TCHP: variants seen among roughly 807,000 people sequenced by gnomAD.
TCHP encodes trichoplein keratin filament binding, also known as trichoplein keratin filament-binding protein.
In TCHP, 81 loss-of-function variants were observed where a neutral mutation model predicts 88.7. The ratio of observed to expected loss-of-function variants is 0.91; its 90% CI spans 0.76 to 1.10. TCHP has a LOEUF of 1.10. Ranked by LOEUF, TCHP falls within the 50% of genes least tolerant of loss-of-function variation. The pLI is 0.00. For missense variants in TCHP, 641 were observed against 632.1 expected (o/e 1.01, Z -0.15); for synonymous variants, 232 against 232.5 (o/e 1.00, Z 0.02).
chr12:109,895,518 C>G (rs1030274226), upstream of TCHP, among the ~76,000 whole-genome samples: 1 of 152,022 alleles, frequency 6.6e-6, no homozygotes, highest in African/African-American at 2.4e-5. Flanking sequence ...CTCACCTGAC[C>G]CCATTGTTAT....
Position 109,913,010 on chromosome 12 carries a change from T to C in TCHP, c.1072T>C (p.Trp358Arg). ...GCCCAGGGAGGAGGCCAAGGAGATG[T>C]GGGAAAAGAGAGAGGCAGAGTGGGC... ...MLLREEAKEMWEKREAEWARE... is the reference protein window; with the variant it reads ...MLLREEAKEMREKREAEWARE... Residue 358 changes from tryptophan to arginine, a missense_variant, in exon 10 of 13, where the codon TGG becomes CGG. Trp to Arg is a moderately radical substitution (Grantham distance 101). Coordinates refer to ENST00000405876, the MANE Select transcript of TCHP (RefSeq NM_001143852.2). 2 of 1,613,568 alleles carry C rather than the reference T, an allele frequency of 1.2e-6. No individual in the cohort carries two copies. The highest frequency in any genetic ancestry group is 1.7e-6 in the Non-Finnish European group (2 of 1,179,904).
At position 109,903,895 on chromosome 12, in the gene TCHP, G is replaced by C; in HGVS notation, c.189-42G>C. 6.6e-7 allele frequency: 1 copy of C among 1,515,084 alleles called. No homozygotes were observed. Among genetic ancestry groups the C allele is most frequent in the Non-Finnish European group, 9.0e-7 (1 of 1,109,166 alleles). 93.9% of individuals were successfully genotyped at this position (1,515,084 alleles called of 1,614,324 possible). On this transcript the variant is annotated intron_variant, in intron 2 of 12. Coordinates refer to ENST00000405876, the MANE Select transcript of TCHP (RefSeq NM_001143852.2). This position sits in a 1 kb window ranked among gnomAD's most constrained non-coding sequence, Gnocchi z 4.6. ...CAGCAGAGCAGAGCACGTTCCCTGT[G>C]GCTGTAGCATGATTGATTCAGGCAG... is the stretch of plus-strand genomic sequence containing the variant.
chr12:109,880,855 C>G, the TCHP span: 2 of 152,454 alleles, frequency 1.3e-5, no homozygotes, highest in Non-Finnish European at 2.9e-5. This position sits in a 1 kb window ranked among gnomAD's most constrained non-coding sequence, Gnocchi z 5.1. Context: ...ACCCAGCCAA[C>G]GCTCCCCAGG....
At chr12:109,885,478 G>GTTTTT in the TCHP span, among the ~76,000 whole-genome samples, 23 of 118,164 alleles carry the variant, frequency 1.9e-4, no homozygotes, top group Non-Finnish European at 2.8e-4. Flanking sequence ...AAATCTGATG[G>GTTTTT]TTTTTTTTTT....
chr12:109,911,019 G>A (rs1870450980), intron 8 of TCHP, 44 bp from the exon 9 acceptor site: 1 of 1,468,784 alleles, frequency 6.8e-7, no homozygotes. Context: ...ATTGCAGAAG[G>A]ACTCTGTCCA....
intron 3 of TCHP, 56 bp downstream of exon 3, chr12:109,904,203 T>C (rs755836038): frequency 3.4e-6 from 5 of 1,487,764 alleles, no homozygotes; most frequent in Non-Finnish European, 4.6e-6. Flanking sequence ...CCAGCCTGAG[T>C]GTGTCGCACA....
At chr12:109,897,683 C>A (rs1195316886), upstream of TCHP, among the ~76,000 whole-genome samples, 4 of 152,074 alleles carry the variant, frequency 2.6e-5, no homozygotes, top group South Asian at 4.1e-4. Flanking sequence ...GCCTCAGCCT[C>A]CCGAGCTGGG....
chr12:109,899,216 G>T (rs1054044462), upstream of TCHP, among the ~76,000 whole-genome samples: 7 of 152,128 alleles, frequency 4.6e-5, no homozygotes, highest in African/African-American at 1.7e-4. Flanking sequence ...AAAGAAAAGA[G>T]AACAAACAAG....
the TCHP span, among the ~76,000 whole-genome samples, chr12:109,894,274 C>T: frequency 1.3e-3 from 198 of 150,750 alleles, no homozygotes; most frequent in African/African-American, 4.6e-3. Context: ...CTGGTTAACA[C>T]GGTGAAACCC....
At chr12:109,888,817 G>A in the TCHP span, among the ~76,000 whole-genome samples, 3 of 152,118 alleles carry the variant, frequency 2.0e-5, no homozygotes, top group Non-Finnish European at 2.9e-5. Context: ...CAATCAAAAT[G>A]TATTCTCTCA....
In TCHP at chr12:109,903,253, A is replaced by C; in HGVS notation, c.188+39A>C. 1 of 1,562,728 alleles carries C rather than the reference A, an allele frequency of 6.4e-7. No homozygotes were observed. The highest frequency in any genetic ancestry group is 8.8e-7 in the Non-Finnish European group (1 of 1,141,244). On this transcript the variant is annotated intron_variant, in intron 2 of 12. Coordinates refer to ENST00000405876, the MANE Select transcript of TCHP (RefSeq NM_001143852.2). This position sits in a 1 kb window ranked among gnomAD's most constrained non-coding sequence, Gnocchi z 4.6. ...AACTGCCGATTGGATGGAAGTGGGG[A>C]CCACTTGCTGGTCAGGGGATGAGGC... is the stretch of plus-strand genomic sequence containing the variant.
chr12:109,902,970 C>A, intron 1 of TCHP, 57 bp from the exon 2 acceptor site: 1 of 1,482,342 alleles, frequency 6.7e-7, no homozygotes, highest in Non-Finnish European at 9.1e-7. Context: ...TGAGGCCAAG[C>A]TGGTGAGGGT....
intron 8 of TCHP, 45 bp downstream of exon 8, chr12:109,908,982 T>C: frequency 6.3e-7 from 1 of 1,582,854 alleles, no homozygotes; most frequent in Non-Finnish European, 8.7e-7. Flanking sequence ...GCCTCTTTTG[T>C]AAAAAAGGCC....
the TCHP span, among the ~76,000 whole-genome samples, chr12:109,885,410 A>G: frequency 1.8e-4 from 27 of 151,454 alleles, no homozygotes; most frequent in Non-Finnish European, 3.8e-4. Flanking sequence ...GTGATGCTCT[A>G]TCCTTCTCAT....
In TCHP at chr12:109,903,878, C is replaced by T; in HGVS notation, c.189-59C>T. 7.1e-7 allele frequency: 1 copy of T among 1,400,074 alleles called. No homozygotes were observed. The allele number at this position is 1,400,074 out of a possible 1,614,324, so 86.7% of individuals were successfully genotyped here. ...AGCCTCTTTTACCGACACAGCAGAG[C>T]AGAGCACGTTCCCTGTGGCTGTAGC... On this transcript the variant is annotated intron_variant, in intron 2 of 12. Transcript: ENST00000405876. This position sits in a 1 kb window ranked among gnomAD's most constrained non-coding sequence, Gnocchi z 4.6.
At chr12:109,902,335 A>C (rs930218439) in intron 1 of TCHP, among the ~76,000 whole-genome samples, 3 of 151,300 alleles carry the variant, frequency 2.0e-5, no homozygotes, top group African/African-American at 7.3e-5. Flanking sequence ...CTCCTGGCTA[A>C]TTTTTGATTT....
intron 9 of TCHP, 35 bp from the exon 10 acceptor site, chr12:109,912,956 A>G (rs1464394105): frequency 2.5e-6 from 4 of 1,597,624 alleles, no homozygotes; most frequent in Non-Finnish European, 3.4e-6. Flanking sequence ...CAGGGCGGGG[A>G]GGAGCCTGCT....
At position 109,907,522 on chromosome 12, in the gene TCHP, G is replaced by A. The variant is rs1870209984; in HGVS notation, c.526-4G>A. On this transcript the variant is annotated splice_polypyrimidine_tract_variant and splice_region_variant and intron_variant, in intron 5 of 12. Transcript: ENST00000405876. ...TTGACCTGTGTTCATTTGGTCCCTT[G>A]TAGCAAGAAGCCACCGCAGAGCAAG... 1.9e-6 allele frequency: 3 copies of A among 1,613,900 alleles called. No homozygotes were observed. Among genetic ancestry groups the A allele is most frequent in the Admixed American group, 3.3e-5 (2 of 59,980 alleles).
chr12:109,886,704 GTTTGTTT>G, the TCHP span, among the ~76,000 whole-genome samples: 8 of 151,458 alleles, frequency 5.3e-5, no homozygotes, highest in East Asian at 1.9e-4. Flanking sequence ...AGATTTTTTT[GTTTGTTT>G]TTTGTTTTTT....
Sources: allele counts gnomAD v4.1 joint callset (sites outside exome capture counted in the v4.1 genomes callset), GRCh38; gene constraint gnomAD v4.1.1; non-coding constraint Gnocchi (gnomAD v3.1); transcripts MANE v1.5; gene names NCBI Gene and HGNC (gene_info 2026-07-23, HGNC 2026-07-21).